RELN: variants seen among roughly 807,000 people sequenced by gnomAD.
RELN encodes reelin.
In RELN, 108 loss-of-function variants were observed where a neutral mutation model predicts 427.6. The observed-to-expected ratio is 0.25, with a 90% CI of 0.22 to 0.30. RELN has a LOEUF of 0.30. Among genes scored for constraint, RELN ranks in the 10% least tolerant of loss-of-function variants. RELN has a pLI of 1.00. For missense variants in RELN, 3,715 were observed against 4,302.8 expected (o/e 0.86, Z 3.82); for synonymous variants, 1,524 against 1,513.4 (o/e 1.01, Z -0.16).
intron 2 of RELN, among the ~76,000 whole-genome samples, chr7:103,848,968 C>T (rs1443382492): frequency 6.6e-6 from 1 of 152,158 alleles, no homozygotes. Flanking sequence ...TGATGAACAG[C>T]AGCAAAAGTT....
rs572729066 is a variant in RELN at position 103,921,138 on chromosome 7, T to C, written c.227-3953A>G. On this transcript the variant is annotated intron_variant, in intron 1 of 64. Transcript: ENST00000428762. ...TTTATTAACTAGACGGGCAGAGATA[T>C]TTAGAAATAGTTCTCCCTTGACAAA... Among the ~76,000 whole-genome samples, 8 of 152,280 alleles carry C rather than the reference T, an allele frequency of 5.3e-5. No individual in the cohort carries two copies. The East Asian group carries it at 1.4e-3, about 26-fold the overall frequency.
chr7:103,596,616 C>T lies in RELN; in HGVS notation c.3379G>A (p.Val1127Met), dbSNP rs1160249328. 1 of 1,614,074 alleles carries T rather than the reference C, an allele frequency of 6.2e-7. No homozygotes were observed. The highest frequency in any genetic ancestry group is 1.7e-5 in the Admixed American group (1 of 59,992). Residue 1127 changes from valine to methionine, a missense_variant, in exon 25 of 65, where the codon GTG (valine) becomes ATG (methionine). Around this residue, in one of 4 missense-constraint regions of RELN, gnomAD observed 2,208 missense variants for 2,361.7 expected, o/e 0.93. Coordinates refer to ENST00000428762, the MANE Select transcript of RELN (RefSeq NM_005045.4). ...LVSWDLDTSW[V>M]DFVQFYIQIG... Reference sequence around the variant, plus strand: ...TGGATGTAGAACTGGACAAAGTCCACCCAAGAAGTATCCAGGTCCCAACTC... The same window carrying T: ...TGGATGTAGAACTGGACAAAGTCCATCCAAGAAGTATCCAGGTCCCAACTC...
intron 57 of RELN, among the ~76,000 whole-genome samples, chr7:103,495,013 C>A (rs988926081): frequency 6.6e-6 from 1 of 151,942 alleles, no homozygotes; most frequent in Non-Finnish European, 1.5e-5. Flanking sequence ...GATAGTGTTA[C>A]AGAGTAGAGA....
intron 1 of RELN, among the ~76,000 whole-genome samples, chr7:103,983,541 C>T (rs539702767): frequency 2.0e-5 from 3 of 152,306 alleles, no homozygotes; most frequent in African/African-American, 7.2e-5. Context: ...ATTCGAGTAT[C>T]TGAAATAGGG....
intron 6 of RELN, among the ~76,000 whole-genome samples, chr7:103,733,684 T>A (rs7807229): frequency 0.59 from 71,718 of 120,980 alleles, 22,624 homozygotes; most frequent in African/African-American, 0.79. Flanking sequence ...GTAAACTATC[T>A]CAAGAACAAA....
At chr7:103,589,418 G>A (rs760400471) in intron 28 of RELN, among the ~76,000 whole-genome samples, 178 bp downstream of exon 28, 6 of 152,172 alleles carry the variant, frequency 3.9e-5, no homozygotes, top group Admixed American at 2.0e-4. Context: ...GTTCTGTCAT[G>A]TTTTTATGTT....
At chr7:103,740,578 T>C (rs1167287164) in intron 6 of RELN, among the ~76,000 whole-genome samples, 1 of 152,248 alleles carries the variant, frequency 6.6e-6, no homozygotes, top group East Asian at 1.9e-4. Context: ...GTAACTTATC[T>C]GTTACCTTTA....
intron 2 of RELN, among the ~76,000 whole-genome samples, chr7:103,864,190 T>C (rs987629232): frequency 6.6e-6 from 1 of 152,210 alleles, no homozygotes; most frequent in African/African-American, 2.4e-5. Context: ...ACACCTATAA[T>C]GCAACTTTAA....
chr7:103,615,677 T>G (rs1029991328), intron 20 of RELN, among the ~76,000 whole-genome samples: 15 of 152,280 alleles, frequency 9.9e-5, no homozygotes, highest in African/African-American at 3.6e-4. Flanking sequence ...ACTAAAAAGC[T>G]AGAAACTAGG....
intron 3 of RELN, among the ~76,000 whole-genome samples, chr7:103,809,890 C>T (rs747167698): frequency 2.6e-5 from 4 of 152,178 alleles, no homozygotes; most frequent in Non-Finnish European, 5.9e-5. Context: ...CAGAGACACA[C>T]ATAACAGGGG....
chr7:103,671,135 G>T (rs1386950576), intron 11 of RELN, among the ~76,000 whole-genome samples: 1 of 152,026 alleles, frequency 6.6e-6, no homozygotes, highest in South Asian at 2.1e-4. Flanking sequence ...ATATTCATGA[G>T]GTTTATCTCT....
At chr7:103,920,567 G>GTT (rs530809994) in intron 1 of RELN, among the ~76,000 whole-genome samples, 14,905 of 133,968 alleles carry the variant, frequency 0.11, 1,691 homozygotes, top group African/African-American at 0.3. Context: ...CCAGTCTTTG[G>GTT]TTTTTTTTTT....
In RELN at chr7:103,576,772, A is replaced by T. The variant is rs362626; in HGVS notation, c.4146-1067T>A. On this transcript the variant is annotated intron_variant, in intron 28 of 64. Coordinates refer to ENST00000428762, the MANE Select transcript of RELN (RefSeq NM_005045.4). ...CACAAACACCAGTTTTAACTGCCAA[A>T]GAACAAAAGAAGGACCTAGTCCCAG... Among the ~76,000 whole-genome samples, 1,200 of 152,090 alleles carry T rather than the reference A, an allele frequency of 7.9e-3. 8 individuals are homozygous for T. Among genetic ancestry groups the T allele is most frequent in the Non-Finnish European group, 0.011 (744 of 67,988 alleles).
At position 103,575,646 on chromosome 7, in the gene RELN, C is replaced by T; in HGVS notation, c.4205G>A (p.Gly1402Asp). 6.2e-7 allele frequency: 1 copy of T among 1,614,028 alleles called. No individual in the cohort carries two copies. The highest frequency in any genetic ancestry group is 8.5e-7 in the Non-Finnish European group (1 of 1,179,904). The change falls in exon 29 of 65, where the codon GGT becomes GAT. Residue 1402 changes from glycine to aspartate, a missense_variant. Gly to Asp is a moderately conservative substitution (Grantham distance 94). Coordinates refer to ENST00000428762, the MANE Select transcript of RELN (RefSeq NM_005045.4). The stretch of plus-strand genomic sequence containing the variant: ...CTCGGATATGTACACTCCATCTAAA[C>T]CAAATGGAGGCACGTTTTTCTGTGA... ...SSSQKNVPPF[G>D]LDGVYISEPC...
At chr7:103,597,237 T>C (rs889562863) in intron 24 of RELN, among the ~76,000 whole-genome samples, 6 of 152,186 alleles carry the variant, frequency 3.9e-5, no homozygotes, top group Non-Finnish European at 5.9e-5. Context: ...TCTCCAGAGA[T>C]ATGGCCCTGA....
chr7:103,568,085 T>C (rs1488590132), intron 31 of RELN, among the ~76,000 whole-genome samples: 5 of 152,210 alleles, frequency 3.3e-5, no homozygotes, highest in Non-Finnish European at 5.9e-5. Context: ...GCGTGAGCCA[T>C]TGCACTCAGC....
chr7:103,552,346 A>G (rs1584288334), intron 40 of RELN, among the ~76,000 whole-genome samples: 1 of 152,326 alleles, frequency 6.6e-6, no homozygotes, highest in African/African-American at 2.4e-5. Context: ...ACAGTAACAC[A>G]TAACCATCTA....
At chr7:103,881,828 C>G (rs1308789641) in intron 2 of RELN, among the ~76,000 whole-genome samples, 1 of 152,134 alleles carries the variant, frequency 6.6e-6, no homozygotes, top group East Asian at 1.9e-4. Flanking sequence ...CTGTTTTAAG[C>G]AACAAGGTTT....
At chr7:103,604,306 T>C (rs752715108) in intron 23 of RELN, 40 bp downstream of exon 23, 1 of 1,612,756 alleles carries the variant, frequency 6.2e-7, no homozygotes, top group Non-Finnish European at 8.5e-7. Flanking sequence ...CCACAAATCT[T>C]GAGAAGCATG....
Sources: allele counts gnomAD v4.1 joint callset (sites outside exome capture counted in the v4.1 genomes callset), GRCh38; gene constraint gnomAD v4.1.1; regional missense constraint gnomAD v4.1.1; transcripts MANE v1.5; gene names NCBI Gene and HGNC (gene_info 2026-07-23, HGNC 2026-07-21).